The following SGCZ variants were observed in gnomAD, a reference collection of about 807,000 sequenced individuals.
The protein encoded by SGCZ is sarcoglycan zeta, also known as zeta-sarcoglycan.
Under a neutral mutation model 41.3 loss-of-function variants are expected in SGCZ, and 40 were observed. The observed-to-expected ratio is 0.97, with a 90% CI of 0.75 to 1.26. The LOEUF is 1.26. Ranked by LOEUF, SGCZ falls within the 50% of genes most tolerant of loss-of-function variation. SGCZ has a pLI of 0.00. For missense variants in SGCZ, 552 were observed against 369.8 expected (o/e 1.49, Z -4.04); for synonymous variants, 206 against 137.5 (o/e 1.50, Z -3.49).
chr8:14,616,802 T>A (rs1806120683), intron 1 of SGCZ, among the ~76,000 whole-genome samples: 1 of 152,140 alleles, frequency 6.6e-6, no homozygotes. Flanking sequence ...AAATTCAAAT[T>A]TTATTGTTAG....
At chr8:15,184,509 T>A (rs77629581) in intron 1 of SGCZ, among the ~76,000 whole-genome samples, 5 of 145,848 alleles carry the variant, frequency 3.4e-5, no homozygotes, top group African/African-American at 1.2e-4. Context: ...CATTTTCTCC[T>A]TTTTTTTTTC....
At chr8:14,605,275 T>C (rs1329451422) in intron 1 of SGCZ, among the ~76,000 whole-genome samples, 4 of 152,140 alleles carry the variant, frequency 2.6e-5, no homozygotes, top group Non-Finnish European at 4.4e-5. Flanking sequence ...TTTTAAGTTT[T>C]GTGGGTGCAT....
intron 1 of SGCZ, among the ~76,000 whole-genome samples, chr8:15,096,712 A>G (rs1475013428): frequency 6.6e-6 from 1 of 151,976 alleles, no homozygotes; most frequent in African/African-American, 2.4e-5. Flanking sequence ...TTTGAGACAC[A>G]GTCTCGCTCT....
intron 3 of SGCZ, among the ~76,000 whole-genome samples, chr8:14,313,910 C>CTGTGTG (rs34489718): frequency 1.7e-3 from 244 of 144,906 alleles, no homozygotes; most frequent in East Asian, 7.3e-3. Context: ...TATCATCTCT[C>CTGTGTG]TGTGTGTGTG....
At chr8:15,012,606 A>AACATAAATATATATTTATATAAC (rs372754667) in intron 1 of SGCZ, among the ~76,000 whole-genome samples, 2 of 109,574 alleles carry the variant, frequency 1.8e-5, no homozygotes, top group Admixed American at 8.7e-5. Flanking sequence ...ATATTTATAT[A>AACATAAATATATATTTATATAAC]ATACATATAT....
intron 2 of SGCZ, among the ~76,000 whole-genome samples, chr8:14,513,326 C>A (rs1008911064): frequency 1.3e-5 from 2 of 152,108 alleles, no homozygotes; most frequent in African/African-American, 4.8e-5. Context: ...GCATGAGCCA[C>A]AGTGCCAAAC....
chr8:14,828,175 CAAAA>C (rs1802402650), intron 1 of SGCZ, among the ~76,000 whole-genome samples: 1 of 152,036 alleles, frequency 6.6e-6, no homozygotes, highest in Non-Finnish European at 1.5e-5. Flanking sequence ...GGAATCTTTA[CAAAA>C]AGTTTATGGG....
At chr8:14,537,845 T>C (rs1183169249) in intron 2 of SGCZ, among the ~76,000 whole-genome samples, 1 of 151,942 alleles carries the variant, frequency 6.6e-6, no homozygotes, top group Non-Finnish European at 1.5e-5. Flanking sequence ...AAAGTGTGAA[T>C]TCCATATCCT....
chr8:14,625,273 C>T (rs1240208808), intron 1 of SGCZ, among the ~76,000 whole-genome samples: 1 of 152,088 alleles, frequency 6.6e-6, no homozygotes, highest in Admixed American at 6.6e-5. Context: ...ATCTTTATAA[C>T]TGATTACTGT....
At chr8:14,291,977 G>C (rs73529464) in intron 3 of SGCZ, among the ~76,000 whole-genome samples, 2,189 of 152,074 alleles carry the variant, frequency 0.014, 61 homozygotes, top group African/African-American at 0.05. Context: ...ATAATAATTG[G>C]CTTTTCTAAT....
At chr8:14,822,800 T>A (rs1802152867) in intron 1 of SGCZ, among the ~76,000 whole-genome samples, 1 of 152,098 alleles carries the variant, frequency 6.6e-6, no homozygotes, top group Non-Finnish European at 1.5e-5. Context: ...CTGCTCCCTT[T>A]CATGATATAC....
intron 4 of SGCZ, among the ~76,000 whole-genome samples, chr8:14,198,013 T>A (rs1453399516): frequency 1.3e-5 from 2 of 152,222 alleles, no homozygotes; most frequent in Non-Finnish European, 2.9e-5. Context: ...GGAAAGGGAT[T>A]ATTAGGAATT....
chr8:14,863,634 A>G (rs1246811721), intron 1 of SGCZ, among the ~76,000 whole-genome samples: 1 of 152,174 alleles, frequency 6.6e-6, no homozygotes, highest in South Asian at 2.1e-4. Context: ...AACTGCTTTT[A>G]AAAAATATTT....
At chr8:14,681,673 A>G (rs1047288188) in intron 1 of SGCZ, among the ~76,000 whole-genome samples, 2 of 152,216 alleles carry the variant, frequency 1.3e-5, no homozygotes, top group African/African-American at 4.8e-5. Context: ...GTGATCAGAT[A>G]TTACTCAGAT....
At chr8:14,618,853 G>A (rs1473908326) in intron 1 of SGCZ, among the ~76,000 whole-genome samples, 2 of 152,098 alleles carry the variant, frequency 1.3e-5, no homozygotes, top group South Asian at 2.1e-4. Context: ...CAGAAAAAGA[G>A]AAAAAGATAA....
chr8:14,798,765 T>C (rs1025607508), intron 1 of SGCZ, among the ~76,000 whole-genome samples: 2 of 152,106 alleles, frequency 1.3e-5, no homozygotes, highest in African/African-American at 4.8e-5. Context: ...AGACAGCATG[T>C]ACCTAAATAA....
intron 1 of SGCZ, among the ~76,000 whole-genome samples, chr8:14,610,819 A>G (rs555392610): frequency 2.0e-5 from 3 of 152,346 alleles, no homozygotes; most frequent in African/African-American, 7.2e-5. Context: ...CAGATACTTC[A>G]TCTTCAGAAT....
chr8:14,687,787 A>T (rs967528021), intron 1 of SGCZ, among the ~76,000 whole-genome samples: 17 of 151,808 alleles, frequency 1.1e-4, no homozygotes, highest in East Asian at 1.9e-4. Context: ...TCCACAATGG[A>T]TGAACTAGTT....
intron 1 of SGCZ, among the ~76,000 whole-genome samples, chr8:14,977,752 C>A (rs961362352): frequency 6.6e-6 from 1 of 152,018 alleles, no homozygotes; most frequent in Non-Finnish European, 1.5e-5. Context: ...TTGTCTCAGA[C>A]CTCTTAGGGA....
Sources: allele counts gnomAD v4.1 joint callset (sites outside exome capture counted in the v4.1 genomes callset), GRCh38; gene constraint gnomAD v4.1.1; transcripts MANE v1.5; gene names NCBI Gene and HGNC (gene_info 2026-07-23, HGNC 2026-07-21).